Variants in DOCK7 observed in about 807,000 individuals in gnomAD.
The protein encoded by DOCK7 is dedicator of cytokinesis 7.
In DOCK7, 138 loss-of-function variants were observed where a neutral mutation model predicts 271.0. That is an observed-to-expected ratio of 0.51 (90% confidence interval 0.44 to 0.59). The LOEUF (loss-of-function observed/expected upper bound fraction) is 0.59. DOCK7 is among the 20% of genes least tolerant of loss of function. The pLI is 0.00. For missense variants in DOCK7, 2,066 were observed against 2,592.4 expected (o/e 0.80, Z 4.41); for synonymous variants, 823 against 876.1 (o/e 0.94, Z 1.07).
intron 4 of DOCK7, among the ~76,000 whole-genome samples, chr1:62,648,871 A>G (rs1260361637): frequency 6.6e-6 from 1 of 152,076 alleles, no homozygotes; most frequent in Non-Finnish European, 1.5e-5. Context: ...GTTAAAGAAT[A>G]AAATGAGAAA....
At chr1:62,619,708 A>T (rs909383487) in intron 13 of DOCK7, among the ~76,000 whole-genome samples, 192 bp downstream of exon 13, 1 of 152,224 alleles carries the variant, frequency 6.6e-6, no homozygotes, top group Non-Finnish European at 1.5e-5. Context: ...TCAAAGTACC[A>T]AAGATGCTGA....
At position 62,629,991 on chromosome 1, in the gene DOCK7, A is replaced by G. The variant is rs535982975; in HGVS notation, c.1282+1249T>C. Among the ~76,000 whole-genome samples the G allele has an allele frequency of 2.0e-5, 3 of 152,358 alleles. No individual in the cohort carries two copies. The East Asian group carries it at 5.8e-4, about 29-fold the overall frequency. ...CCAGTTCAGGGTCACAAATGGCCGA[A>G]GCCTGTTCCAGCAGCGCATGAAAGA... On this transcript the variant is annotated intron_variant, in intron 11 of 49. Transcript: ENST00000635253.
Position 62,457,698 on chromosome 1 carries a change from C to A in DOCK7, c.6220G>T (p.Asp2074Tyr). The A allele has an allele frequency of 6.2e-7, 1 of 1,612,732 alleles. No homozygotes were observed. The highest frequency in any genetic ancestry group is 8.5e-7 in the Non-Finnish European group (1 of 1,179,658). ...AAGCTCTTATTTTTTCTTAAGGCAT[C>A]TTCACACCTAGGAAAAACAGGATGT... ...CFKDFTKRCEDALRKNKSLIG... is the reference protein window; with the variant it reads ...CFKDFTKRCEYALRKNKSLIG... The change falls in exon 49 of 50, where the codon GAT becomes TAT. Residue 2074 changes from aspartate to tyrosine, a missense_variant. Asp to Tyr is a radical substitution (Grantham distance 160). This residue lies in a region of DOCK7 where 652 missense variants were observed against 922.1 expected (regional missense o/e 0.71). Transcript: ENST00000635253.
intron 14 of DOCK7, among the ~76,000 whole-genome samples, chr1:62,596,909 G>A (rs1332520809): frequency 6.6e-6 from 1 of 151,944 alleles, no homozygotes; most frequent in Non-Finnish European, 1.5e-5. Context: ...ACTATATATG[G>A]GATTTTGTGA....
chr1:62,659,619 G>A (rs1005837265), intron 2 of DOCK7, among the ~76,000 whole-genome samples: 11 of 152,000 alleles, frequency 7.2e-5, no homozygotes, highest in African/African-American at 2.7e-4. Context: ...TAGCAGAAAG[G>A]ACTTTAAAAT....
At chr1:62,631,860 G>A (rs1028738662) in intron 10 of DOCK7, among the ~76,000 whole-genome samples, 8 of 152,268 alleles carry the variant, frequency 5.3e-5, no homozygotes, top group Admixed American at 1.3e-4. Context: ...GGGGAAGCAC[G>A]AATAGGCCAA....
chr1:62,549,197 A>G (rs1002699433), intron 22 of DOCK7, among the ~76,000 whole-genome samples: 1 of 152,216 alleles, frequency 6.6e-6, no homozygotes, highest in African/African-American at 2.4e-5. Flanking sequence ...TGGAAGCCAA[A>G]TAAATGAATA....
intron 1 of DOCK7, among the ~76,000 whole-genome samples, chr1:62,668,956 T>C (rs1426181222): frequency 1.3e-5 from 2 of 151,646 alleles, no homozygotes; most frequent in African/African-American, 2.4e-5. Flanking sequence ...TCAATTATTA[T>C]TACTCTGCCT....
chr1:62,651,418 G>T (rs1469489568), intron 4 of DOCK7, among the ~76,000 whole-genome samples: 1 of 143,452 alleles, frequency 7.0e-6, no homozygotes, highest in Non-Finnish European at 1.5e-5. Context: ...CCTGCAAGTT[G>T]TGCACATGTA....
At chr1:62,480,985 G>A (rs1035453586) in intron 43 of DOCK7, among the ~76,000 whole-genome samples, 2 of 127,550 alleles carry the variant, frequency 1.6e-5, no homozygotes, top group Non-Finnish European at 3.1e-5. Flanking sequence ...CTCCAGCCTG[G>A]GCGACAGAGC....
At chr1:62,534,039 C>T (rs1336766224) in intron 29 of DOCK7, among the ~76,000 whole-genome samples, 6 of 151,840 alleles carry the variant, frequency 4.0e-5, no homozygotes, top group Admixed American at 3.3e-4. Context: ...TGCTCTATCA[C>T]CCAGGATGGA....
chr1:62,574,773 G>A (rs1222447160), intron 18 of DOCK7, among the ~76,000 whole-genome samples: 2 of 152,070 alleles, frequency 1.3e-5, no homozygotes, highest in African/African-American at 4.8e-5. Context: ...CTGCCGCCCA[G>A]GCTGGAGTGC....
At chr1:62,544,068 A>G (rs1194698830) in intron 23 of DOCK7, among the ~76,000 whole-genome samples, 1 of 152,176 alleles carries the variant, frequency 6.6e-6, no homozygotes, top group Non-Finnish European at 1.5e-5. Flanking sequence ...AAATATATAA[A>G]AAGTAAAAAC....
chr1:62,507,327 A>G (rs1473591886), intron 35 of DOCK7, among the ~76,000 whole-genome samples: 1 of 152,218 alleles, frequency 6.6e-6, no homozygotes, highest in Non-Finnish European at 1.5e-5. Context: ...TGGCTCTTCT[A>G]CATACTAGCT....
chr1:62,637,103 C>A (rs1655367696), intron 7 of DOCK7, among the ~76,000 whole-genome samples: 1 of 152,134 alleles, frequency 6.6e-6, no homozygotes. Context: ...TGCATAAATG[C>A]ACTTGCCAAA....
At chr1:62,677,028 G>A (rs941707111) in intron 1 of DOCK7, among the ~76,000 whole-genome samples, 1 of 152,172 alleles carries the variant, frequency 6.6e-6, no homozygotes, top group Non-Finnish European at 1.5e-5. Context: ...TAGGAGAGCT[G>A]TCTATACTGC....
At chr1:62,505,857 G>A (rs759212557) in intron 35 of DOCK7, 41 bp from the exon 36 acceptor site, 15 of 1,590,512 alleles carry the variant, frequency 9.4e-6, no homozygotes, top group Middle Eastern at 1.7e-4. Flanking sequence ...AGATGTACTT[G>A]CAATTTAGTT....
intron 8 of DOCK7, among the ~76,000 whole-genome samples, chr1:62,635,987 A>G (rs936072697): frequency 5.1e-4 from 78 of 152,222 alleles, no homozygotes; most frequent in Middle Eastern, 3.4e-3. Flanking sequence ...TAACCTTCTG[A>G]CACGCCTGTA....
intron 37 of DOCK7, among the ~76,000 whole-genome samples, chr1:62,501,840 G>T (rs1646794216): frequency 6.6e-6 from 1 of 151,936 alleles, no homozygotes; most frequent in South Asian, 2.1e-4. Flanking sequence ...ATCTGAAAAT[G>T]ATTTACATTT....
Sources: allele counts gnomAD v4.1 joint callset (sites outside exome capture counted in the v4.1 genomes callset), GRCh38; gene constraint gnomAD v4.1.1; regional missense constraint gnomAD v4.1.1; transcripts MANE v1.5; gene names NCBI Gene and HGNC (gene_info 2026-07-23, HGNC 2026-07-21).